The following SPECC1 variants were observed in gnomAD, a reference collection of about 807,000 sequenced individuals.
SPECC1 encodes sperm antigen with calponin homology and coiled-coil domains 1.
A neutral mutation model predicts 104.1 loss-of-function variants in SPECC1; 62 were observed. That is an observed-to-expected ratio of 0.60 (90% CI 0.49 to 0.74). The LOEUF (loss-of-function observed/expected upper bound fraction) is 0.74. Among genes scored for constraint, SPECC1 ranks in the 30% least tolerant of loss-of-function variants. The probability of loss-of-function intolerance (pLI) is 0.00; values close to 1 mark genes in which losing one functional copy is unlikely to be tolerated. For missense variants in SPECC1, 1,306 were observed against 1,310.5 expected (o/e 1.00, Z 0.05); for synonymous variants, 513 against 501.6 (o/e 1.02, Z -0.30).
In SPECC1 at chr17:20,070,598, A is replaced by G. The variant is rs184029169; in HGVS notation, c.-21-26033A>G. ...TTTAATGGCTGCATAAGGCTTAATT[A>G]TGTGGATATACCATAATCTAACCAA... is the stretch of plus-strand genomic sequence containing the variant. On this transcript the variant is annotated intron_variant, in intron 1 of 14. Transcript: ENST00000395527. 7.9e-5 allele frequency among the ~76,000 whole-genome samples: 12 copies of G among 152,300 alleles called. No homozygotes were observed. In the East Asian group the frequency reaches 1.5e-3, roughly 20 times the overall value.
chr17:20,169,022 G>A (rs1035553041), intron 3 of SPECC1, among the ~76,000 whole-genome samples: 1 of 152,026 alleles, frequency 6.6e-6, no homozygotes, highest in South Asian at 2.1e-4. Flanking sequence ...ACAGGCATGC[G>A]CTACCACACC....
intron 3 of SPECC1, among the ~76,000 whole-genome samples, chr17:20,174,613 C>A (rs576435802): frequency 3.3e-5 from 5 of 152,276 alleles, no homozygotes; most frequent in East Asian, 1.9e-4. Flanking sequence ...TCTCTCCCCC[C>A]CATCAGTCTT....
intron 3 of SPECC1, among the ~76,000 whole-genome samples, chr17:20,173,846 C>G (rs910852369): frequency 1.3e-5 from 2 of 151,996 alleles, no homozygotes; most frequent in Non-Finnish European, 2.9e-5. Context: ...GCTGCAGTTT[C>G]TGCCAGCCCC....
Position 20,204,632 on chromosome 17 carries a change from A to G in SPECC1, c.583A>G (p.Lys195Glu), listed in dbSNP as rs1421878734. The G allele has an allele frequency of 6.2e-7, 1 of 1,614,052 alleles. No individual in the cohort carries two copies. Among genetic ancestry groups the G allele is most frequent in the Non-Finnish European group, 8.5e-7 (1 of 1,180,028 alleles). The change falls in exon 4 of 15, where the codon AAA becomes GAA. Residue 195 changes from lysine (K) to glutamate (E), a missense_variant. This residue lies in a region of SPECC1 where 1,177 missense variants were observed against 1,139.9 expected (regional missense o/e 1.03). Transcript: ENST00000395527. Reference sequence around the variant, plus strand: ...GCTTCGAAGTGAACTAAAGAAATACAAAGAGAAAAGGACTCTGAACGCTGA... The same window carrying G: ...GCTTCGAAGTGAACTAAAGAAATACGAAGAGAAAAGGACTCTGAACGCTGA... ...NRLRSELKKY[K>E]EKRTLNAEGT...
chr17:20,035,747 T>C (rs1270252193), intron 1 of SPECC1, among the ~76,000 whole-genome samples: 1 of 152,250 alleles, frequency 6.6e-6, no homozygotes, highest in African/African-American at 2.4e-5. Flanking sequence ...TCCAGCTCAA[T>C]TGATTTTTGT....
chr17:20,155,995 G>T, intron 3 of SPECC1: 1 of 1,282,302 alleles, frequency 7.8e-7, no homozygotes. Context: ...GCTTGATGCA[G>T]ATGAGGGGGC....
intron 1 of SPECC1, among the ~76,000 whole-genome samples, chr17:20,060,332 A>G (rs1053564952): frequency 7.9e-5 from 12 of 152,122 alleles, no homozygotes; most frequent in Non-Finnish European, 1.3e-4. Context: ...TTCTACAACT[A>G]TTTCAGAAGC....
At chr17:20,230,574 A>G (rs2038510151) in intron 5 of SPECC1, among the ~76,000 whole-genome samples, 2 of 152,230 alleles carry the variant, frequency 1.3e-5, no homozygotes, top group South Asian at 4.1e-4. Context: ...CTAAATCCTT[A>G]AAAGTCAGCA....
intron 3 of SPECC1, among the ~76,000 whole-genome samples, chr17:20,157,116 C>G (rs555138515): frequency 6.6e-6 from 1 of 152,248 alleles, no homozygotes; most frequent in East Asian, 1.9e-4. Context: ...AGCGACTTGT[C>G]CGAGTGACCT....
chr17:20,099,720 A>AAAC (rs1491325059), intron 2 of SPECC1, among the ~76,000 whole-genome samples: 1 of 91,868 alleles, frequency 1.1e-5, no homozygotes, highest in African/African-American at 5.3e-5. Flanking sequence ...AAAAAAAAAA[A>AAAC]CCCACAAAAT....
intron 3 of SPECC1, among the ~76,000 whole-genome samples, chr17:20,162,176 C>T (rs1365474396): frequency 5.3e-5 from 8 of 152,004 alleles, no homozygotes; most frequent in East Asian, 1.9e-4. Context: ...GACAGAGTCT[C>T]GCTCTGTCGT....
intron 13 of SPECC1, among the ~76,000 whole-genome samples, chr17:20,302,556 G>A (rs1241263036): frequency 6.6e-6 from 1 of 151,708 alleles, no homozygotes; most frequent in Non-Finnish European, 1.5e-5. Flanking sequence ...AGTTACTGTT[G>A]TGAATAAAAA....
intron 7 of SPECC1, among the ~76,000 whole-genome samples, chr17:20,245,188 T>C (rs576257922): frequency 6.6e-6 from 1 of 152,318 alleles, no homozygotes; most frequent in African/African-American, 2.4e-5. Context: ...TGCAGAATTG[T>C]TGGGAAGGCT....
intron 1 of SPECC1, among the ~76,000 whole-genome samples, chr17:20,068,890 T>C (rs903965961): frequency 6.6e-6 from 1 of 152,262 alleles, no homozygotes; most frequent in African/African-American, 2.4e-5. Flanking sequence ...TTACACATTC[T>C]AGATACTAGA....
intron 1 of SPECC1, chr17:20,057,949 G>T (rs949545351): frequency 1.3e-4 from 20 of 152,002 alleles, no homozygotes; most frequent in Admixed American, 1.0e-3. Flanking sequence ...TCTTTAATTT[G>T]TGAAGAAAAC....
chr17:20,130,492 G>A (rs940437371), intron 3 of SPECC1, among the ~76,000 whole-genome samples: 5 of 152,114 alleles, frequency 3.3e-5, no homozygotes, highest in Admixed American at 6.5e-5. Flanking sequence ...ATATAATAAC[G>A]CCATTGCACT....
At chr17:20,282,969 G>A (rs1272484949) in intron 12 of SPECC1, among the ~76,000 whole-genome samples, 1 of 151,950 alleles carries the variant, frequency 6.6e-6, no homozygotes, top group African/African-American at 2.4e-5. Context: ...GCTTGACCTC[G>A]GGAGTTCAAG....
chr17:20,136,243 G>A (rs1236557571), intron 3 of SPECC1, among the ~76,000 whole-genome samples: 1 of 152,018 alleles, frequency 6.6e-6, no homozygotes, highest in African/African-American at 2.4e-5. Context: ...GACCAACATA[G>A]TGAAACCCCG....
At chr17:20,057,800 T>A (rs528951389) in intron 1 of SPECC1, 2 of 152,196 alleles carry the variant, frequency 1.3e-5, no homozygotes, top group Non-Finnish European at 2.9e-5. Context: ...TCCAAGTGTT[T>A]CTATTTAGTT....
Sources: gnomAD v4.1 joint callset for allele counts (sites outside exome capture counted in the v4.1 genomes callset) on GRCh38, gnomAD v4.1.1 for gene constraint, gnomAD v4.1.1 regional missense constraint, MANE v1.5 for transcripts, NCBI Gene and HGNC (gene_info 2026-07-23, HGNC 2026-07-21) for gene names.